Variants in AMELY observed in about 807,000 individuals in gnomAD.
AMELY encodes amelogenin Y-linked.
Under a neutral mutation model 4.2 loss-of-function variants are expected in AMELY, and 4 were observed. The observed-to-expected ratio is 0.96, with a 90% CI of 0.47 to 2.19. AMELY has a LOEUF of 2.19. Among genes scored for constraint, AMELY ranks in the 30% most tolerant of loss-of-function variants. The probability of loss-of-function intolerance (pLI) is 0.02; values close to 1 mark genes in which losing one functional copy is unlikely to be tolerated. For missense variants in AMELY, 32 were observed against 41.5 expected (o/e 0.77, Z 0.63); for synonymous variants, 11 against 14.7 (o/e 0.75, Z 0.57).
chrY:6,901,269 G>A, intron 1 of AMELY: 1 of 34,245 alleles, frequency 2.9e-5, no homozygotes, highest in Non-Finnish European at 7.4e-5. Flanking sequence ...TGGAGAGGGA[G>A]CTTTTAAGCT....
At chrY:6,886,431 G>C in intron 1 of AMELY, among the ~76,000 whole-genome samples, 1 of 33,763 alleles carries the variant, frequency 3.0e-5, no homozygotes, top group African/African-American at 1.2e-4. Flanking sequence ...TGAACACTTT[G>C]AGAAACTCTG....
At chrY:6,885,275 C>T (rs574352037) in intron 1 of AMELY, among the ~76,000 whole-genome samples, 209 of 33,355 alleles carry the variant, frequency 6.3e-3, no homozygotes, top group South Asian at 0.032. Context: ...GTCAGGAGAT[C>T]GAGACCATCC....
chrY:6,889,988 A>C (rs1166243866), intron 1 of AMELY, among the ~76,000 whole-genome samples: 1 of 31,037 alleles, frequency 3.2e-5, no homozygotes, highest in Non-Finnish European at 7.8e-5. Context: ...CTGATTCAAA[A>C]AAAAAAAAGA....
chrY:6,891,844 G>A (rs745428916), intron 1 of AMELY, among the ~76,000 whole-genome samples: 4 of 34,223 alleles, frequency 1.2e-4, no homozygotes, highest in African/African-American at 4.5e-4. Context: ...CAGAGAGATA[G>A]TCTGTAAGCC....
intron 1 of AMELY, among the ~76,000 whole-genome samples, chrY:6,879,448 G>C: frequency 3.0e-5 from 1 of 33,454 alleles, no homozygotes; most frequent in Non-Finnish European, 7.4e-5. Context: ...CAGATAAGTA[G>C]ATTGCAAACA....
intron 1 of AMELY, among the ~76,000 whole-genome samples, chrY:6,909,964 T>C: frequency 3.1e-5 from 1 of 32,550 alleles, no homozygotes; most frequent in Non-Finnish European, 7.5e-5. Context: ...TGGAAATCTG[T>C]TTAACTGAAT....
At chrY:6,879,762 C>T (rs2054074038) in intron 1 of AMELY, among the ~76,000 whole-genome samples, 1 of 33,778 alleles carries the variant, frequency 3.0e-5, no homozygotes, top group Non-Finnish European at 7.3e-5. Flanking sequence ...GCCAGCTTTC[C>T]CAGCACCATT....
chrY:6,867,957 G>A, intron 6 of AMELY, 80 bp downstream of exon 6: 3 of 315,013 alleles, frequency 9.5e-6, no homozygotes, highest in Non-Finnish European at 1.4e-5. Flanking sequence ...TGAGTTGTTG[G>A]ACCCCTTAGA....
intron 1 of AMELY, among the ~76,000 whole-genome samples, 142 bp downstream of exon 1, chrY:6,911,531 C>A (rs990394033): frequency 2.9e-5 from 1 of 34,380 alleles, no homozygotes; most frequent in African/African-American, 1.1e-4. Context: ...GTTTCTGAGT[C>A]GCAAAACCGT....
intron 1 of AMELY, among the ~76,000 whole-genome samples, chrY:6,898,970 C>G: frequency 6.0e-5 from 2 of 33,405 alleles, no homozygotes; most frequent in African/African-American, 1.2e-4. Context: ...AAAGCCTTGC[C>G]AGAACAAAAT....
At chrY:6,879,021 TATA>T (rs2054073276) in intron 1 of AMELY, among the ~76,000 whole-genome samples, 5 of 33,742 alleles carry the variant, frequency 1.5e-4, no homozygotes, top group Non-Finnish European at 2.9e-4. Flanking sequence ...CAGCATGATT[TATA>T]ATACTTTGGG....
At chrY:6,880,884 C>A (rs2054074733) in intron 1 of AMELY, among the ~76,000 whole-genome samples, 2 of 31,644 alleles carry the variant, frequency 6.3e-5, no homozygotes, top group Non-Finnish European at 1.5e-4. Context: ...TCCCCTTTAT[C>A]ATTTTTTAAT....
At chrY:6,867,928 C>G in intron 6 of AMELY, 109 bp downstream of exon 6, 1 of 234,322 alleles carries the variant, frequency 4.3e-6, no homozygotes, top group Admixed American at 1.0e-4. Flanking sequence ...AGATCTGTAA[C>G]TACTACAACT....
At chrY:6,894,572 G>A in intron 1 of AMELY, among the ~76,000 whole-genome samples, 1 of 33,312 alleles carries the variant, frequency 3.0e-5, no homozygotes, top group Non-Finnish European at 7.4e-5. Flanking sequence ...TCCTGTGCAC[G>A]TTAATTCCTG....
intron 1 of AMELY, among the ~76,000 whole-genome samples, chrY:6,906,896 G>A (rs2011665593): frequency 3.1e-5 from 1 of 32,223 alleles, no homozygotes; most frequent in Non-Finnish European, 7.5e-5. Context: ...CAGTAGCTGC[G>A]ATTACAGGCA....
At chrY:6,868,508 C>A in intron 5 of AMELY, 46 bp from the exon 6 acceptor site, 1 of 386,257 alleles carries the variant, frequency 2.6e-6, no homozygotes, top group Non-Finnish European at 3.7e-6. Context: ...TCACGTGACT[C>A]CAACCAGAGA....
chrY:6,889,191 G>A, intron 1 of AMELY, among the ~76,000 whole-genome samples: 2 of 31,879 alleles, frequency 6.3e-5, no homozygotes, highest in Admixed American at 3.0e-4. Context: ...GACACAGCAA[G>A]ATTCTGTCTC....
At chrY:6,884,599 A>G in intron 1 of AMELY, among the ~76,000 whole-genome samples, 1 of 32,767 alleles carries the variant, frequency 3.1e-5, no homozygotes, top group Non-Finnish European at 7.4e-5. Flanking sequence ...ATTTGCCATG[A>G]TACTCACAAG....
intron 1 of AMELY, among the ~76,000 whole-genome samples, chrY:6,874,807 C>T: frequency 3.0e-5 from 1 of 33,674 alleles, no homozygotes; most frequent in Non-Finnish European, 7.4e-5. Context: ...TAAGCAAAAA[C>T]AAGAAAAGTC....
Sources: allele counts gnomAD v4.1 joint callset (sites outside exome capture counted in the v4.1 genomes callset), GRCh38; gene constraint gnomAD v4.1.1; transcripts MANE v1.5; gene names NCBI Gene and HGNC (gene_info 2026-07-23, HGNC 2026-07-21).